TG: variants seen among roughly 807,000 people sequenced by gnomAD.
TG encodes thyroid hormones.
TG carries 270 observed loss-of-function variants against 324.7 expected under a neutral mutation model. The observed-to-expected ratio is 0.83, with a 90% confidence interval of 0.75 to 0.92. The LOEUF is 0.92. Ranked by LOEUF, TG falls within the 40% of genes least tolerant of loss-of-function variation. The pLI, the probability that TG is intolerant of heterozygous loss-of-function variation, is 0.00. For missense variants in TG, 3,591 were observed against 3,456.4 expected (o/e 1.04, Z -0.98); for synonymous variants, 1,401 against 1,327.0 (o/e 1.06, Z -1.21).
chr8:133,068,586 A>T (rs1010794248), intron 41 of TG, among the ~76,000 whole-genome samples: 3 of 152,062 alleles, frequency 2.0e-5, no homozygotes, highest in African/African-American at 7.2e-5. Context: ...GTTCTCATGG[A>T]AGGATTGGCA....
chr8:132,908,039 C>T lies in TG; in HGVS notation c.3848-147C>T, dbSNP rs951976850. ...AGACAAGCTGTTATGCTGGAAAGTA[C>T]TTAGACTCAGAATGACAATGCAAAA... On this transcript the variant is annotated intron_variant, in intron 17 of 47. Coordinates refer to ENST00000220616, the MANE Select transcript of TG (RefSeq NM_003235.5). 3 of 926,306 alleles carry T rather than the reference C, an allele frequency of 3.2e-6. No individual in the cohort carries two copies. The African/African-American group carries it at 4.8e-5, about 15-fold the overall frequency. 57.4% of individuals were successfully genotyped at this position (926,306 alleles called of 1,614,324 possible). A position where few individuals can be genotyped will look rare whatever the true frequency, so the allele number is the denominator to read the frequency against.
chr8:132,913,464 C>G (rs1306937212), intron 20 of TG, among the ~76,000 whole-genome samples, 199 bp downstream of exon 20: 1 of 152,118 alleles, frequency 6.6e-6, no homozygotes, highest in Non-Finnish European at 1.5e-5. Context: ...AGAAGGAGCC[C>G]CATATTTGCA....
intron 18 of TG, among the ~76,000 whole-genome samples, chr8:132,910,250 T>C (rs1819316012): frequency 6.6e-6 from 1 of 152,296 alleles, no homozygotes; most frequent in South Asian, 2.1e-4. Context: ...GGGCTGGCTT[T>C]CAGGGCCCTG....
At chr8:133,048,866 A>AT (rs1839927239) in intron 41 of TG, 1 of 186,356 alleles carries the variant, frequency 5.4e-6, no homozygotes, top group African/African-American at 2.3e-5. Flanking sequence ...AACTCGCAGA[A>AT]TTCCAGTCTT....
At chr8:132,973,233 A>G (rs1829768128) in intron 34 of TG, among the ~76,000 whole-genome samples, 1 of 152,192 alleles carries the variant, frequency 6.6e-6, no homozygotes, top group African/African-American at 2.4e-5. Flanking sequence ...GGCAAAATCA[A>G]TAGATATAGA....
At chr8:133,044,551 C>T (rs1053724481) in intron 41 of TG, among the ~76,000 whole-genome samples, 1 of 152,138 alleles carries the variant, frequency 6.6e-6, no homozygotes, top group African/African-American at 2.4e-5. Flanking sequence ...AGACAGGTAG[C>T]CACTGCTAAC....
At chr8:133,052,327 T>C (rs1840563659) in intron 41 of TG, among the ~76,000 whole-genome samples, 1 of 152,252 alleles carries the variant, frequency 6.6e-6, no homozygotes, top group South Asian at 2.1e-4. Context: ...GTATTGTTCA[T>C]TTGGGGAAGC....
At chr8:132,967,756 C>A (rs1008644567) in intron 30 of TG, 38 bp from the exon 31 acceptor site, 1 of 1,611,292 alleles carries the variant, frequency 6.2e-7, no homozygotes, top group African/African-American at 1.3e-5. Context: ...CCTGTAGACC[C>A]CACAAAAACT....
At chr8:132,875,452 C>G (rs1052736026) in intron 5 of TG, among the ~76,000 whole-genome samples, 4 of 152,116 alleles carry the variant, frequency 2.6e-5, no homozygotes, top group African/African-American at 9.7e-5. Flanking sequence ...AGGAACTCAC[C>G]CTAGTAAGCT....
chr8:133,075,107 T>C, intron 41 of TG: 1 of 985,466 alleles, frequency 1.0e-6, no homozygotes, highest in Non-Finnish European at 1.2e-6. Context: ...GTAACCACTC[T>C]GAGCAAGCTT....
At chr8:133,116,142 G>A (rs28654846) in intron 44 of TG, among the ~76,000 whole-genome samples, 11,888 of 152,232 alleles carry the variant, frequency 0.078, 1,498 homozygotes, top group African/African-American at 0.27. Flanking sequence ...GGGCTGAGCT[G>A]AGGGTACCAC....
intron 41 of TG, chr8:133,038,208 T>C: frequency 2.7e-6 from 1 of 370,850 alleles, no homozygotes; most frequent in Non-Finnish European, 5.0e-6. Flanking sequence ...CCTGGTGCCC[T>C]TTCTTGTGAG....
At position 133,133,498 on chromosome 8, in the gene TG, C is replaced by G; in HGVS notation, c.8026C>G (p.Arg2676Gly). The G allele has an allele frequency of 6.2e-7, 1 of 1,614,192 alleles. No individual in the cohort carries two copies. Among genetic ancestry groups the G allele is most frequent in the Non-Finnish European group, 8.5e-7 (1 of 1,180,024 alleles). Residue 2676 changes from arginine (R) to glycine (G), a missense_variant, in exon 47 of 48, where the codon CGG (arginine) becomes GGG (glycine). Coordinates refer to ENST00000220616, the MANE Select transcript of TG (RefSeq NM_003235.5). ...GNPNYPYEFS[R>G]KVPTFATPWP... ...TCCCAACTACCCTTATGAGTTCTCA[C>G]GGAAAGTACCCACATTTGCAACCCC...
chr8:132,915,811 T>C (rs1820207989), intron 20 of TG, among the ~76,000 whole-genome samples: 1 of 152,202 alleles, frequency 6.6e-6, no homozygotes, highest in African/African-American at 2.4e-5. Context: ...CTACACTCTA[T>C]CTTCCAGCTG....
At chr8:133,058,190 TAGAAG>T (rs1308357832) in intron 41 of TG, among the ~76,000 whole-genome samples, 1 of 152,014 alleles carries the variant, frequency 6.6e-6, no homozygotes, top group African/African-American at 2.4e-5. Flanking sequence ...CTCAAGTAGG[TAGAAG>T]AGAAAAGAGG....
intron 9 of TG, 150 bp downstream of exon 9, chr8:132,887,698 G>A: frequency 8.9e-7 from 1 of 1,121,272 alleles, no homozygotes; most frequent in Non-Finnish European, 1.3e-6. Context: ...AATTATCCAG[G>A]AATGCCTAGA....
In TG at chr8:133,035,951, A is replaced by T. The variant is rs1224357564; in HGVS notation, c.7239+5928A>T. On this transcript the variant is annotated intron_variant, in intron 41 of 47. Transcript: ENST00000220616. ...TGGAATGGACCCTATGCCATCCCCT[A>T]CCCTCTAGGGCCCTGCAGGACCTTC... Among the ~76,000 whole-genome samples the T allele has an allele frequency of 4.6e-5, 7 of 151,940 alleles. No individual in the cohort carries two copies. In the South Asian group the frequency reaches 6.3e-4, roughly 14 times the overall value.
intron 3 of TG, among the ~76,000 whole-genome samples, chr8:132,870,429 GCTGAGTCAGGCATCCTCA>G (rs1252579438): frequency 6.7e-6 from 1 of 148,640 alleles, no homozygotes; most frequent in Non-Finnish European, 1.5e-5. Context: ...TGTGAGCTTG[GCTGAGTCAGGCATCCTCA>G]CTGAGCTATG....
intron 41 of TG, among the ~76,000 whole-genome samples, chr8:133,072,453 G>T (rs1236249591): frequency 6.6e-6 from 1 of 152,072 alleles, no homozygotes; most frequent in Non-Finnish European, 1.5e-5. Context: ...TAGATGGATA[G>T]ATAGATAGAT....
Sources: gnomAD v4.1 joint callset for allele counts (sites outside exome capture counted in the v4.1 genomes callset) on GRCh38, gnomAD v4.1.1 for gene constraint, MANE v1.5 for transcripts, NCBI Gene and HGNC (gene_info 2026-07-23, HGNC 2026-07-21) for gene names.